The following WWOX variants were observed in gnomAD, a reference collection of about 807,000 sequenced individuals.
WWOX encodes WW domain containing oxidoreductase.
WWOX carries 69 observed loss-of-function variants against 46.2 expected under a neutral mutation model. That is an observed-to-expected ratio of 1.49 (90% CI 1.23 to 1.82). The LOEUF (loss-of-function observed/expected upper bound fraction) is 1.82, where lower values mean the gene tolerates loss of function less well. Ranked by LOEUF, WWOX falls within the 40% of genes most tolerant of loss-of-function variation. The pLI is 0.00. For missense variants in WWOX, 919 were observed against 542.6 expected, an observed-to-expected ratio of 1.69 and a Z score of -6.89; for synonymous variants, 359 against 202.6, an observed-to-expected ratio of 1.77 and a Z score of -6.56.
chr16:79,039,969 C>T (rs999702283), intron 8 of WWOX, among the ~76,000 whole-genome samples: 2 of 152,118 alleles, frequency 1.3e-5, no homozygotes, highest in African/African-American at 2.4e-5. Context: ...TAAATGCATA[C>T]GATCATGCTG....
chr16:78,281,233 AAG>A (rs1159737674), intron 5 of WWOX, among the ~76,000 whole-genome samples: 1 of 152,240 alleles, frequency 6.6e-6, no homozygotes, highest in Non-Finnish European at 1.5e-5. Context: ...CACTATGGTG[AAG>A]ACAGCGCCAA....
chr16:78,528,342 A>G (rs2043533556), intron 8 of WWOX, among the ~76,000 whole-genome samples: 1 of 151,448 alleles, frequency 6.6e-6, no homozygotes. Context: ...CAGTCTAGTG[A>G]TAGTCCAACC....
intron 8 of WWOX, among the ~76,000 whole-genome samples, chr16:78,942,154 G>C (rs13333229): frequency 1.3e-5 from 2 of 152,006 alleles, no homozygotes; most frequent in African/African-American, 4.8e-5. Flanking sequence ...GGATGTGATT[G>C]GTATGGAGAA....
At chr16:79,165,275 A>C (rs1214376467) in intron 8 of WWOX, among the ~76,000 whole-genome samples, 4 of 152,012 alleles carry the variant, frequency 2.6e-5, no homozygotes, top group Non-Finnish European at 5.9e-5. Context: ...GCCATTGCGG[A>C]GGTCAATTTC....
At chr16:78,271,937 C>T (rs968873008) in intron 5 of WWOX, among the ~76,000 whole-genome samples, 4 of 152,162 alleles carry the variant, frequency 2.6e-5, no homozygotes, top group African/African-American at 9.7e-5. Context: ...GCATTGTGTG[C>T]AGCCAGGTCA....
chr16:78,710,509 T>TATATATATATATATATATATATATAA, intron 8 of WWOX, among the ~76,000 whole-genome samples: 1 of 140,394 alleles, frequency 7.1e-6, no homozygotes, highest in Non-Finnish European at 1.5e-5. Context: ...TTTATATAAA[T>TATATATATATATATATATATATATAA]ATATTTTATA....
At chr16:78,287,293 A>C (rs545323121) in intron 5 of WWOX, among the ~76,000 whole-genome samples, 1 of 152,198 alleles carries the variant, frequency 6.6e-6, no homozygotes, top group Admixed American at 6.5e-5. Flanking sequence ...TAAGCAATCT[A>C]TGACACTCCT....
intron 6 of WWOX, among the ~76,000 whole-genome samples, chr16:78,407,873 A>C (rs2082585958): frequency 6.6e-6 from 1 of 152,236 alleles, no homozygotes; most frequent in Non-Finnish European, 1.5e-5. Flanking sequence ...GACATTGATT[A>C]CTGTCTACTG....
chr16:78,894,718 C>T (rs2044663716), intron 8 of WWOX, among the ~76,000 whole-genome samples: 1 of 152,098 alleles, frequency 6.6e-6, no homozygotes. Flanking sequence ...CATGGAAGGC[C>T]ACGTTGCAAT....
chr16:78,405,677 C>A (rs1455792002), intron 6 of WWOX, among the ~76,000 whole-genome samples: 4 of 152,182 alleles, frequency 2.6e-5, no homozygotes, highest in Admixed American at 6.5e-5. Flanking sequence ...GTAGAATGAG[C>A]ATTTGAGAAA....
intron 8 of WWOX, among the ~76,000 whole-genome samples, chr16:78,789,603 A>G (rs2050544253): frequency 6.6e-6 from 1 of 152,034 alleles, no homozygotes; most frequent in Non-Finnish European, 1.5e-5. Flanking sequence ...TTTGTTCTTC[A>G]TTTTCAAGAT....
At chr16:78,895,731 A>T (rs74032413) in intron 8 of WWOX, 246 of 152,358 alleles carry the variant, frequency 1.6e-3, no homozygotes, top group African/African-American at 5.7e-3. Flanking sequence ...TTGATTGAGG[A>T]ACGCAAGACT....
At chr16:78,620,693 T>C (rs2046157881) in intron 8 of WWOX, among the ~76,000 whole-genome samples, 1 of 50,144 alleles carries the variant, frequency 2.0e-5, no homozygotes, top group African/African-American at 3.9e-5. Context: ...GGAAATATGG[T>C]TTTTTTTTCC....
chr16:79,104,296 G>C (rs548321984), intron 8 of WWOX, among the ~76,000 whole-genome samples: 4 of 152,176 alleles, frequency 2.6e-5, no homozygotes, highest in East Asian at 3.9e-4. Flanking sequence ...TAAAACCTCA[G>C]TTATCATCTG....
At chr16:78,520,105 C>A (rs777433192) in intron 8 of WWOX, among the ~76,000 whole-genome samples, 4 of 152,176 alleles carry the variant, frequency 2.6e-5, no homozygotes, top group Non-Finnish European at 4.4e-5. Context: ...CACTCCCATC[C>A]CGGCCACAGA....
At chr16:78,648,418 G>A (rs1368267880) in intron 8 of WWOX, among the ~76,000 whole-genome samples, 1 of 152,160 alleles carries the variant, frequency 6.6e-6, no homozygotes, top group Non-Finnish European at 1.5e-5. Flanking sequence ...GCAGATGGTT[G>A]TAAGGTAAAC....
chr16:78,432,696 A>G lies in WWOX; in HGVS notation c.1000A>G (p.Ser334Gly). 6.2e-7 allele frequency: 1 copy of G among 1,614,202 alleles called. No individual in the cohort carries two copies. Among genetic ancestry groups the G allele is most frequent in the Non-Finnish European group, 8.5e-7 (1 of 1,180,036 alleles). The stretch of plus-strand genomic sequence containing the variant: ...TATGATGTACTCCAACATTCATCGC[A>G]GCTGGTGGGTGTACACACTGCTGTT... Reference protein sequence around the residue: ...GNMMYSNIHRSWWVYTLLFTL... With the variant: ...GNMMYSNIHRGWWVYTLLFTL... Residue 334 changes from serine to glycine, a missense_variant, in exon 8 of 9, where the codon AGC becomes GGC. Physicochemically the swap from Ser to Gly is moderately conservative, Grantham distance 56. Transcript: ENST00000566780.
rs773388694 is a variant in WWOX, at chr16:78,164,244, C to T, written c.471C>T (p.Asn157=). The T allele has an allele frequency of 1.9e-6, 3 of 1,614,008 alleles. No homozygotes were observed. The highest frequency in any genetic ancestry group is 2.2e-5 in the South Asian group (2 of 91,076). Residue 157 remains asparagine (N), a synonymous_variant, in exon 5 of 9, where the codon AAC becomes AAT. Coordinates refer to ENST00000566780, the MANE Select transcript of WWOX (RefSeq NM_016373.4). ...CACATGTGATCTTGGCCTGCAGGAACATGGCAAGGGCGAGTGAAGCAGTGT... is the reference window on the plus strand; with the variant it reads ...CACATGTGATCTTGGCCTGCAGGAATATGGCAAGGGCGAGTGAAGCAGTGT... The part of the protein sequence containing the change: ...HGAHVILACR[N]MARASEAVSR...
At chr16:78,645,239 C>T (rs145510413) in intron 8 of WWOX, among the ~76,000 whole-genome samples, 1 of 152,106 alleles carries the variant, frequency 6.6e-6, no homozygotes, top group Non-Finnish European at 1.5e-5. Flanking sequence ...ACCACCTCCT[C>T]ATTGCTTAGT....
Sources: allele counts gnomAD v4.1 joint callset (sites outside exome capture counted in the v4.1 genomes callset), GRCh38; gene constraint gnomAD v4.1.1; transcripts MANE v1.5; gene names NCBI Gene and HGNC (gene_info 2026-07-23, HGNC 2026-07-21).